The following ADGRD1 variants were observed in gnomAD, a reference collection of about 807,000 sequenced individuals.
ADGRD1 encodes the protein G-protein coupled receptor 133.
In ADGRD1, 77 loss-of-function variants were observed where a neutral mutation model predicts 113.4. That is an observed-to-expected ratio of 0.68 (90% CI 0.57 to 0.82). ADGRD1 has a LOEUF of 0.82. ADGRD1 is among the 40% of genes least tolerant of loss of function. ADGRD1 has a pLI of 0.00. For synonymous variants in ADGRD1, 474 were observed against 475.0 expected (o/e 1.00, Z 0.03); for missense variants, 1,036 against 1,139.1 (o/e 0.91, Z 1.30).
At chr12:130,981,807 A>C in intron 4 of ADGRD1, 77 bp from the exon 5 acceptor site, 1 of 955,774 alleles carries the variant, frequency 1.0e-6, no homozygotes. Flanking sequence ...AAAAATAAAA[A>C]GCAAAGAGAA....
chr12:130,997,014 C>T (rs1273904069), intron 8 of ADGRD1, among the ~76,000 whole-genome samples: 1 of 135,006 alleles, frequency 7.4e-6, no homozygotes, highest in African/African-American at 2.8e-5. Flanking sequence ...GGGGGGCTGA[C>T]CCCCCCACCT....
intron 13 of ADGRD1, among the ~76,000 whole-genome samples, chr12:131,036,149 TTACTCACTGGAGGGGGTTG>T (rs368213916): frequency 0.017 from 2,580 of 152,128 alleles, 72 homozygotes; most frequent in African/African-American, 0.059. Context: ...GCAGCGAGTC[TTACTCACTGGAGGGGGTTG>T]TACTCACTGG....
intron 8 of ADGRD1, among the ~76,000 whole-genome samples, chr12:130,996,851 C>G (rs1486265640): frequency 2.4e-5 from 3 of 122,784 alleles, no homozygotes; most frequent in African/African-American, 3.1e-5. Context: ...CCCCACCTCC[C>G]TCCCGGACGG....
chr12:131,052,539 T>C (rs1883499231), intron 13 of ADGRD1, among the ~76,000 whole-genome samples: 1 of 152,170 alleles, frequency 6.6e-6, no homozygotes, highest in Non-Finnish European at 1.5e-5. Context: ...CAACCAGGCA[T>C]CTGCCTCCGC....
chr12:131,036,355 C>T (rs577449096), intron 13 of ADGRD1, among the ~76,000 whole-genome samples: 2 of 151,198 alleles, frequency 1.3e-5, no homozygotes, highest in South Asian at 2.1e-4. Context: ...CCAGGCCTTA[C>T]TCACTGCATG....
In ADGRD1 at chr12:130,966,814, G is replaced by C; in HGVS notation, c.187+268G>C. 2.4e-6 allele frequency: 1 copy of C among 425,434 alleles called. No homozygotes were observed. The highest frequency in any genetic ancestry group is 4.4e-6 in the Non-Finnish European group (1 of 225,926). 26.4% of individuals were successfully genotyped at this position (425,434 alleles called of 1,614,324 possible). ...AAGCTTTTTTTTTTGTAGAGATGGG[G>C]TCTTGCTATGTTGCCAGGCTGGTCT... On this transcript the variant is annotated intron_variant, in intron 3 of 24. Transcript: ENST00000261654. The surrounding 1 kb of genome is among the most constrained non-coding windows in gnomAD (Gnocchi z 4.6).
At chr12:131,054,588 G>T (rs1377056704) in intron 13 of ADGRD1, among the ~76,000 whole-genome samples, 1 of 152,176 alleles carries the variant, frequency 6.6e-6, no homozygotes. Flanking sequence ...GTGAGCTCCA[G>T]TTCGGTTCCC....
At chr12:131,104,492 GCTGA>G (rs1449549144) in intron 15 of ADGRD1, among the ~76,000 whole-genome samples, 2 of 152,180 alleles carry the variant, frequency 1.3e-5, no homozygotes, top group Non-Finnish European at 1.5e-5. Context: ...TGGCTCTGGG[GCTGA>G]CTGTTAGTCT....
intron 18 of ADGRD1, among the ~76,000 whole-genome samples, chr12:131,112,747 G>A (rs1950372594): frequency 6.6e-6 from 1 of 152,242 alleles, no homozygotes; most frequent in South Asian, 2.1e-4. Flanking sequence ...TTTTTGTGGA[G>A]TGACATGTCT....
At chr12:131,070,786 G>A (rs1179460126) in intron 13 of ADGRD1, 1 of 518,770 alleles carries the variant, frequency 1.9e-6, no homozygotes, top group Non-Finnish European at 3.9e-6. Context: ...TGATTGGACT[G>A]TGGAGTACAT....
intron 19 of ADGRD1, 119 bp from the exon 20 acceptor site, chr12:131,120,728 A>G: frequency 2.2e-6 from 2 of 892,920 alleles, no homozygotes; most frequent in East Asian, 2.4e-5. Flanking sequence ...ATGTTGTATG[A>G]CTGCCCCAGG....
In ADGRD1 at chr12:130,981,935, T is replaced by C. The variant is rs770021531; in HGVS notation, c.362T>C (p.Ile121Thr). Residue 121 changes from isoleucine to threonine, a missense_variant, in exon 5 of 25, where the codon ATC becomes ACC. Transcript: ENST00000261654. ...ACACAAGGAGAACAGTCTAGACCAATCCCTTCTGCGTATGGGGGACAGGTC... is the reference window on the plus strand; with the variant it reads ...ACACAAGGAGAACAGTCTAGACCAACCCCTTCTGCGTATGGGGGACAGGTC... Reference protein sequence around the residue: ...WKTQGEQSRPIPSAYGGQVIS... With the variant: ...WKTQGEQSRPTPSAYGGQVIS... The C allele has an allele frequency of 3.7e-6, 6 of 1,613,906 alleles. No individual in the cohort carries two copies. The highest frequency in any genetic ancestry group is 5.1e-6 in the Non-Finnish European group (6 of 1,179,806).
At chr12:131,035,993 C>G (rs901881338) in intron 13 of ADGRD1, among the ~76,000 whole-genome samples, 7 of 152,194 alleles carry the variant, frequency 4.6e-5, no homozygotes, top group African/African-American at 1.7e-4. Flanking sequence ...TTCTCCTGGT[C>G]TCCTTTTTGT....
At position 131,082,334 on chromosome 12, in the gene ADGRD1, A is replaced by G. The variant is rs143129084; in HGVS notation, c.1548-2206A>G. On this transcript the variant is annotated intron_variant, in intron 14 of 24. Transcript: ENST00000261654. ...ATTGATACTGCTTCATCTGGCTTCC[A>G]TAGCAGATTTATTTATGCACAAGCT... Among the ~76,000 whole-genome samples the G allele has an allele frequency of 6.2e-3, 944 of 152,336 alleles. 11 individuals carry two copies. The highest frequency in any genetic ancestry group is 0.022 in the African/African-American group (897 of 41,572).
At chr12:130,994,743 G>C (rs538857333) in intron 8 of ADGRD1, among the ~76,000 whole-genome samples, 2 of 152,338 alleles carry the variant, frequency 1.3e-5, no homozygotes, top group East Asian at 3.9e-4. Context: ...GTTCACTGAT[G>C]ACTTTATTAA....
At position 131,054,591 on chromosome 12, in the gene ADGRD1, C is replaced by T. The variant is rs548523598; in HGVS notation, c.1474-22210C>T. Reference sequence around the variant, plus strand: ...TCCTGGCCCTGTGTGAGCTCCAGTTCGGTTCCCTGTAATCCATTGGGTGGT... The same window carrying T: ...TCCTGGCCCTGTGTGAGCTCCAGTTTGGTTCCCTGTAATCCATTGGGTGGT... On this transcript the variant is annotated intron_variant, in intron 13 of 24. Transcript: ENST00000261654. 3.9e-5 allele frequency among the ~76,000 whole-genome samples: 6 copies of T among 152,292 alleles called. No homozygotes were observed. In the South Asian group the frequency reaches 8.3e-4, roughly 21 times the overall value.
At chr12:131,134,574 A>T (rs1254565891) in intron 21 of ADGRD1, among the ~76,000 whole-genome samples, 1 of 152,206 alleles carries the variant, frequency 6.6e-6, no homozygotes, top group Non-Finnish European at 1.5e-5. Context: ...CAGGTGTTTT[A>T]TTTTTATTGC....
At position 130,971,267 on chromosome 12, in the gene ADGRD1, C is replaced by A; in HGVS notation, c.188-191C>A. ...ATCTGACATACACATTAATAATTTACAATTTAATTACTAATAATATTACTG... is the reference window on the plus strand; with the variant it reads ...ATCTGACATACACATTAATAATTTAAAATTTAATTACTAATAATATTACTG... On this transcript the variant is annotated intron_variant, in intron 3 of 24. Coordinates refer to ENST00000261654, the MANE Select transcript of ADGRD1 (RefSeq NM_198827.5). This position sits in a 1 kb window ranked among gnomAD's most constrained non-coding sequence, Gnocchi z 4.2. The A allele has an allele frequency of 3.7e-6, 1 of 272,088 alleles. No homozygotes were observed. Among genetic ancestry groups the A allele is most frequent in the Non-Finnish European group, 6.8e-6 (1 of 146,750 alleles). 16.9% of individuals were successfully genotyped at this position (272,088 alleles called of 1,614,324 possible).
chr12:131,050,976 G>A lies in ADGRD1; in HGVS notation c.1474-25825G>A, dbSNP rs959008378. On this transcript the variant is annotated intron_variant, in intron 13 of 24. Transcript: ENST00000261654. This position sits in a 1 kb window ranked among gnomAD's most constrained non-coding sequence, Gnocchi z 4.8. ...GTGTGCCCGGTTCCTAACAGGCCAC[G>A]GGCTGGTCCCGGTTCACGGCCCGGG... Among the ~76,000 whole-genome samples, 4 of 152,196 alleles carry A rather than the reference G, an allele frequency of 2.6e-5. No homozygotes were observed. Among genetic ancestry groups the A allele is most frequent in the South Asian group, 4.1e-4 (2 of 4,824 alleles).
Sources: allele counts gnomAD v4.1 joint callset (sites outside exome capture counted in the v4.1 genomes callset), GRCh38; gene constraint gnomAD v4.1.1; non-coding constraint Gnocchi (gnomAD v3.1); transcripts MANE v1.5; gene names NCBI Gene and HGNC (gene_info 2026-07-23, HGNC 2026-07-21).